Variants in WDR47 observed in about 807,000 individuals in gnomAD.
WDR47 encodes WD repeat-containing protein 47.
WDR47 carries 32 observed loss-of-function variants against 97.2 expected under a neutral mutation model. The ratio of observed to expected loss-of-function variants is 0.33; its 90% CI spans 0.25 to 0.44. The LOEUF is 0.44. Ranked by LOEUF, WDR47 falls within the 20% of genes least tolerant of loss-of-function variation. The pLI is 1.00. For synonymous variants in WDR47, 375 were observed against 373.5 expected (o/e 1.00, Z -0.05); for missense variants, 782 against 1,102.3 (o/e 0.71, Z 4.11).
intron 11 of WDR47, 142 bp downstream of exon 11, chr1:108,983,140 C>T (rs1658477500): frequency 1.1e-6 from 1 of 914,092 alleles, no homozygotes; most frequent in Admixed American, 3.8e-5. Flanking sequence ...ATGAATGTAA[C>T]TAAACAATTA....
chr1:108,974,396 AAT>A, intron 14 of WDR47, 138 bp downstream of exon 14: 1 of 666,984 alleles, frequency 1.5e-6, no homozygotes, highest in South Asian at 2.1e-5. Context: ...TATATATCTT[AAT>A]ATAGTCTCAG....
Position 109,010,966 on chromosome 1 carries a change from G to A in WDR47, c.1080C>T (p.Leu360=), listed in dbSNP as rs964337604. The A allele has an allele frequency of 1.9e-6, 3 of 1,613,938 alleles. No individual in the cohort carries two copies. The African/African-American group carries it at 4.0e-5, about 22-fold the overall frequency. Residue 360 remains leucine, a synonymous_variant, in exon 5 of 15, where the codon CTC becomes CTT. Coordinates refer to ENST00000369962, the MANE Select transcript of WDR47 (RefSeq NM_001142551.2). ...TGTGACATTCTGTATTCTCAAGCATGAGACTTCTACTGAGGTTTTGTACCC... is the reference window on the plus strand; with the variant it reads ...TGTGACATTCTGTATTCTCAAGCATAAGACTTCTACTGAGGTTTTGTACCC... ...YPGVQNLSRS[L]MLENTECHSI... is the part of the protein sequence containing the mutation.
At chr1:109,025,110 G>C (rs1662108615) in intron 1 of WDR47, 2 of 152,086 alleles carry the variant, frequency 1.3e-5, no homozygotes, top group African/African-American at 4.8e-5. Context: ...TAGCAGACTA[G>C]AATGCTCTCA....
At chr1:109,026,135 C>T (rs551050466) in intron 1 of WDR47, among the ~76,000 whole-genome samples, 84 of 151,998 alleles carry the variant, frequency 5.5e-4, no homozygotes, top group Non-Finnish European at 1.0e-3. Flanking sequence ...CAGCCTTGAC[C>T]TCCCAGGCTC....
chr1:109,025,203 C>T (rs954972948), intron 1 of WDR47, among the ~76,000 whole-genome samples: 12 of 149,310 alleles, frequency 8.0e-5, no homozygotes, highest in African/African-American at 3.0e-4. Flanking sequence ...TTTGAGAGGT[C>T]GAGGTGGGAG....
chr1:108,982,742 A>G lies in WDR47; in HGVS notation c.2133T>C (p.Ile711=), dbSNP rs1183791073. The change falls in exon 12 of 15, where the codon ATT becomes ATC. Residue 711 remains isoleucine (I), a synonymous_variant. Coordinates refer to ENST00000369962, the MANE Select transcript of WDR47 (RefSeq NM_001142551.2). ...DLEFSMHDGT[I]RDLAFMEGPE... is the part of the protein sequence containing the mutation. ...GGCCTTCCATAAATGCCAAGTCTCT[A>G]ATTGTTCCATCATGCATACTAAATT... is the stretch of plus-strand genomic sequence containing the variant. The G allele has an allele frequency of 1.2e-6, 2 of 1,613,824 alleles. No homozygotes were observed. The highest frequency in any genetic ancestry group is 1.7e-6 in the Non-Finnish European group (2 of 1,180,010).
intron 13 of WDR47, among the ~76,000 whole-genome samples, chr1:108,978,974 T>C (rs1442652557): frequency 5.3e-5 from 8 of 152,000 alleles, no homozygotes; most frequent in Admixed American, 5.3e-4. Context: ...AAGCAAAAAT[T>C]GAGGGTAAGA....
chr1:108,985,721 AAACAGTT>A (rs1658737610), intron 10 of WDR47, among the ~76,000 whole-genome samples: 1 of 152,212 alleles, frequency 6.6e-6, no homozygotes, highest in Non-Finnish European at 1.5e-5. Flanking sequence ...AAAAGATGAG[AAACAGTT>A]ACCTTAAGTT....
intron 7 of WDR47, among the ~76,000 whole-genome samples, chr1:108,999,208 C>A (rs1267376866): frequency 6.9e-6 from 1 of 144,348 alleles, no homozygotes; most frequent in East Asian, 2.0e-4. Context: ...GCCTGGGCAA[C>A]AAGAGCAAGA....
At chr1:109,008,580 T>G (rs1660801470) in intron 5 of WDR47, among the ~76,000 whole-genome samples, 1 of 148,432 alleles carries the variant, frequency 6.7e-6, no homozygotes, top group Admixed American at 6.8e-5. Context: ...GTATTTCTTA[T>G]GCTTTAACTA....
In WDR47 at chr1:108,971,302, T is replaced by C. The variant is rs1384008298; in HGVS notation, c.*128A>G. 2.3e-5 allele frequency: 29 copies of C among 1,264,866 alleles called. No homozygotes were observed. In the East Asian group the frequency reaches 4.2e-4, roughly 18 times the overall value. 78.4% of individuals were successfully genotyped at this position (1,264,866 alleles called of 1,614,324 possible). On this transcript the variant is annotated 3_prime_UTR_variant, in exon 15 of 15. Coordinates refer to ENST00000369962, the MANE Select transcript of WDR47 (RefSeq NM_001142551.2). ...CAACACCTCCTATCAGTGGGATACA[T>C]GGTAATAAGGGGCCTCTTCGTGCTA... is the stretch of plus-strand genomic sequence containing the variant.
In WDR47 at chr1:109,022,651, C is replaced by T. The variant is rs185497647; in HGVS notation, c.158+704G>A. Among the ~76,000 whole-genome samples the T allele has an allele frequency of 1.1e-4, 16 of 152,258 alleles. 1 individual carries two copies. Among genetic ancestry groups the T allele is most frequent in the Admixed American group, 3.9e-4 (6 of 15,302 alleles). ...CCAGGCTGGAGTGCAACGGTGCGATCTCAGCTCACTGGAACCTCCGTCTCC... is the reference window on the plus strand; with the variant it reads ...CCAGGCTGGAGTGCAACGGTGCGATTTCAGCTCACTGGAACCTCCGTCTCC... On this transcript the variant is annotated intron_variant, in intron 2 of 14. Transcript: ENST00000369962.
rs772820063 is a variant in WDR47, at chr1:108,986,592, C to A, written c.1856G>T (p.Gly619Val). 2 of 1,613,780 alleles carry A rather than the reference C, an allele frequency of 1.2e-6. No homozygotes were observed. The highest frequency in any genetic ancestry group is 1.3e-5 in the African/African-American group (1 of 75,014). ...VRAVAFHPAG[G>V]LYAVGSNSKT... Reference sequence around the variant, plus strand: ...TGAATTTGAACCAACAGCATATAAACCTCCAGCTGGATGAAAAGCCACTGC... The same window carrying A: ...TGAATTTGAACCAACAGCATATAAAACTCCAGCTGGATGAAAAGCCACTGC... Residue 619 changes from glycine (G) to valine (V), a missense_variant, in exon 10 of 15, where the codon GGT (glycine) becomes GTT (valine). Physicochemically the swap from Gly to Val is moderately radical, Grantham distance 109 (BLOSUM62 -3). Around this residue, in one of 3 missense-constraint regions of WDR47, gnomAD observed 228 missense variants for 396.7 expected, o/e 0.57. Transcript: ENST00000369962.
At position 109,002,176 on chromosome 1, in the gene WDR47, A is replaced by C. The variant is rs749877436; in HGVS notation, c.1433+48T>G. On this transcript the variant is annotated intron_variant, in intron 7 of 14. Coordinates refer to ENST00000369962, the MANE Select transcript of WDR47 (RefSeq NM_001142551.2). ...AAGTAGCAGTTATTGCATGTTTTAA[A>C]TAGCTTTCAAATAACTCCATATTTT... 5 of 1,483,290 alleles carry C rather than the reference A, an allele frequency of 3.4e-6. No homozygotes were observed. The South Asian group carries it at 5.8e-5, about 17-fold the overall frequency. The allele number at this position is 1,483,290 out of a possible 1,614,324, so 91.9% of individuals were successfully genotyped here.
In WDR47 at chr1:109,011,014, G is replaced by A. The variant is rs143800309; in HGVS notation, c.1032C>T (p.Ser344=). 1.7e-4 allele frequency: 278 copies of A among 1,614,024 alleles called. No homozygotes were observed. Among genetic ancestry groups the A allele is most frequent in the Non-Finnish European group, 2.3e-4 (270 of 1,180,040 alleles). Residue 344 remains serine (S), a synonymous_variant, in exon 5 of 15, where the codon TCC becomes TCT. Coordinates refer to ENST00000369962, the MANE Select transcript of WDR47 (RefSeq NM_001142551.2). ...CCCCTGGATAATGGAAGTTAGCAAA[G>A]GAGTGTGACATTGGAGAAGTTTTGT... ...LGNKTSPMSH[S]FANFHYPGVQ...
intron 4 of WDR47, among the ~76,000 whole-genome samples, chr1:109,012,145 T>G (rs1415417088): frequency 2.6e-5 from 4 of 152,120 alleles, no homozygotes; most frequent in Admixed American, 2.6e-4. Context: ...GGTAAGAATT[T>G]TTTTTCTAGA....
intron 3 of WDR47, among the ~76,000 whole-genome samples, chr1:109,014,949 CA>C (rs1414640837): frequency 2.0e-5 from 3 of 152,038 alleles, no homozygotes; most frequent in Non-Finnish European, 4.4e-5. Flanking sequence ...TCCCTGCCTT[CA>C]AAAAGAGGGT....
chr1:108,982,259 A>AT (rs1658399949), intron 12 of WDR47, among the ~76,000 whole-genome samples: 1 of 152,138 alleles, frequency 6.6e-6, no homozygotes, highest in African/African-American at 2.4e-5. Context: ...TAGGCCAGGC[A>AT]TGGTGGCTCA....
intron 7 of WDR47, 143 bp downstream of exon 7, chr1:109,002,081 A>G: frequency 1.1e-6 from 1 of 926,178 alleles, no homozygotes; most frequent in Non-Finnish European, 1.5e-6. Context: ...TGCTGTGACT[A>G]GAAAGCAATA....
Sources: gnomAD v4.1 joint callset for allele counts (sites outside exome capture counted in the v4.1 genomes callset) on GRCh38, gnomAD v4.1.1 for gene constraint, gnomAD v4.1.1 regional missense constraint, MANE v1.5 for transcripts, NCBI Gene and HGNC (gene_info 2026-07-23, HGNC 2026-07-21) for gene names.